Variants in TUBAL3 observed in about 807,000 individuals in gnomAD.
TUBAL3 encodes the protein tubulin alpha like 3, also known as tubulin alpha chain-like 3.
Under a neutral mutation model 15.5 loss-of-function variants are expected in TUBAL3, and 16 were observed. The ratio of observed to expected loss-of-function variants is 1.04; its 90% CI spans 0.70 to 1.57. TUBAL3 has a LOEUF of 1.57. Ranked by LOEUF, TUBAL3 falls within the 40% of genes most tolerant of loss-of-function variation. The pLI is 0.00. For synonymous variants in TUBAL3, 238 were observed against 224.3 expected (o/e 1.06, Z -0.55); for missense variants, 609 against 576.2 (o/e 1.06, Z -0.58).
rs1303628101 is a variant in TUBAL3, at chr10:5,396,878, T to A, written c.248-1403A>T. 6.6e-6 allele frequency among the ~76,000 whole-genome samples: 1 copy of A among 152,230 alleles called. No individual in the cohort carries two copies. Among genetic ancestry groups the A allele is most frequent in the East Asian group, 1.9e-4 (1 of 5,202 alleles). ...GATACTGCATTGCTTAGTAGTTAAA[T>A]GCATGTTTCAAGAATCAGTTTCCTG... On this transcript the variant is annotated intron_variant, in intron 2 of 3. Coordinates refer to ENST00000380419, the MANE Select transcript of TUBAL3 (RefSeq NM_024803.3). The surrounding 1 kb of genome is among the most constrained non-coding windows in gnomAD (Gnocchi z 5.1).
In TUBAL3 at chr10:5,400,832, CA is replaced by C; in HGVS notation, c.247+11del. 2 of 1,613,910 alleles carry C rather than the reference CA, an allele frequency of 1.2e-6. No individual in the cohort carries two copies. Among genetic ancestry groups the C allele is most frequent in the Non-Finnish European group, 1.7e-6 (2 of 1,179,822 alleles). On this transcript the variant is annotated intron_variant, in intron 2 of 3. Transcript: ENST00000380419. ...TCCAGTTAAGTATGCTAGAATGGAA[CA>C]TTTATTGTACCTATAACAGTTGGCT...
chr10:5,395,668 A>C lies in TUBAL3; in HGVS notation c.248-193T>G, dbSNP rs1831753427. 6.6e-6 allele frequency among the ~76,000 whole-genome samples: 1 copy of C among 152,196 alleles called. No homozygotes were observed. The highest frequency in any genetic ancestry group is 1.5e-5 in the Non-Finnish European group (1 of 68,028). On this transcript the variant is annotated intron_variant, in intron 2 of 3. Transcript: ENST00000380419. The surrounding 1 kb of genome is among the most constrained non-coding windows in gnomAD (Gnocchi z 4.6). ...GAGAAGTGGAATTTTTTACATATAC[A>C]TGGAAAGTATGTTTTTCTACCATGC...
rs1554814163 is a variant in TUBAL3, at chr10:5,396,347, A to C, written c.248-872T>G. ...ACATGGTGAAACCCTGTCTCTACTA[A>C]AAGTACAGAAAATTAGCCAGGCATG... On this transcript the variant is annotated intron_variant, in intron 2 of 3. Transcript: ENST00000380419. This position sits in a 1 kb window ranked among gnomAD's most constrained non-coding sequence, Gnocchi z 5.1. Among the ~76,000 whole-genome samples, 1 of 152,004 alleles carries C rather than the reference A, an allele frequency of 6.6e-6. No homozygotes were observed. Among genetic ancestry groups the C allele is most frequent in the Admixed American group, 6.6e-5 (1 of 15,264 alleles).
chr10:5,403,635 G>C (rs1831888962), intron 1 of TUBAL3, among the ~76,000 whole-genome samples: 2 of 151,984 alleles, frequency 1.3e-5, no homozygotes, highest in Non-Finnish European at 2.9e-5. Context: ...AGCACGAATA[G>C]CCTGGACTAA....
At position 5,397,180 on chromosome 10, in the gene TUBAL3, T is replaced by C. The variant is rs1831778538; in HGVS notation, c.248-1705A>G. Among the ~76,000 whole-genome samples, 1 of 152,190 alleles carries C rather than the reference T, an allele frequency of 6.6e-6. No homozygotes were observed. The highest frequency in any genetic ancestry group is 1.5e-5 in the Non-Finnish European group (1 of 68,040). On this transcript the variant is annotated intron_variant, in intron 2 of 3. Coordinates refer to ENST00000380419, the MANE Select transcript of TUBAL3 (RefSeq NM_024803.3). The surrounding 1 kb of genome is among the most constrained non-coding windows in gnomAD (Gnocchi z 4.9). ...AGCTCACAGCCTAAGGAGAAATGCA[T>C]TGTGTTTCTGTTTAATAAGAGCACG...
rs1349292760 is a variant in TUBAL3 at position 5,397,108 on chromosome 10, A to C, written c.248-1633T>G. On this transcript the variant is annotated intron_variant, in intron 2 of 3. Coordinates refer to ENST00000380419, the MANE Select transcript of TUBAL3 (RefSeq NM_024803.3). This position sits in a 1 kb window ranked among gnomAD's most constrained non-coding sequence, Gnocchi z 4.9. ...ACATGCATTTATGCAGATTTACCTC[A>C]TTATACACCACCAGCCTTGGCAGCA... Among the ~76,000 whole-genome samples, 4 of 152,208 alleles carry C rather than the reference A, an allele frequency of 2.6e-5. No homozygotes were observed. The highest frequency in any genetic ancestry group is 5.9e-5 in the Non-Finnish European group (4 of 68,042).
chr10:5,395,332 T>G lies in TUBAL3; in HGVS notation c.391A>C (p.Lys131Gln), dbSNP rs782306076. 2 of 1,551,502 alleles carry G rather than the reference T, an allele frequency of 1.3e-6. No homozygotes were observed. The highest frequency in any genetic ancestry group is 1.8e-6 in the Non-Finnish European group (2 of 1,141,452). ...VIDLVLERTR[K>Q]LAEQCGGLQG... ...GGAGAGGGGGAGCCACTTGCCAGCT[T>G]CCGGGTCCTCTCCAGCACAAGGTCG... Residue 131 changes from lysine (K) to glutamine (Q), a missense_variant, in exon 3 of 4, where the codon AAG becomes CAG. Coordinates refer to ENST00000380419, the MANE Select transcript of TUBAL3 (RefSeq NM_024803.3). This position sits in a 1 kb window ranked among gnomAD's most constrained non-coding sequence, Gnocchi z 4.6.
intron 1 of TUBAL3, among the ~76,000 whole-genome samples, chr10:5,403,414 A>T (rs530183107): frequency 7.4e-4 from 112 of 152,296 alleles, no homozygotes; most frequent in Non-Finnish European, 1.3e-3. Context: ...TACTTTGTAA[A>T]GTTTACATGT....
intron 1 of TUBAL3, 117 bp from the exon 2 acceptor site, chr10:5,401,204 A>G: frequency 7.9e-7 from 1 of 1,264,062 alleles, no homozygotes; most frequent in Non-Finnish European, 1.1e-6. Context: ...CCACGGAGGA[A>G]TGTGTTATAA....
At chr10:5,398,432 A>AC (rs1450208600) in intron 2 of TUBAL3, among the ~76,000 whole-genome samples, 6 of 150,126 alleles carry the variant, frequency 4.0e-5, no homozygotes, top group African/African-American at 1.5e-4. Context: ...AAAAAAAAAA[A>AC]AAAAAAAAAA....
chr10:5,398,420 CAAAAAAAAAAAA>C (rs67359864), intron 2 of TUBAL3, among the ~76,000 whole-genome samples: 132 of 80,894 alleles, frequency 1.6e-3, no homozygotes, highest in Middle Eastern at 6.9e-3. Context: ...AACTCTGTCT[CAAAAAAAAAAAA>C]AAAAAAAAAA....
In TUBAL3 at chr10:5,393,319, T is replaced by G. The variant is rs1462885673; in HGVS notation, c.*198A>C. 1 of 524,230 alleles carries G rather than the reference T, an allele frequency of 1.9e-6. No individual in the cohort carries two copies. Among genetic ancestry groups the G allele is most frequent in the East Asian group, 3.0e-5 (1 of 33,484 alleles). The allele number at this position is 524,230 out of a possible 1,614,324, so 32.5% of individuals were successfully genotyped here. On this transcript the variant is annotated 3_prime_UTR_variant, in exon 4 of 4. Transcript: ENST00000380419. ...TCCAAAGGCTCCCAGGTAGCAGAGC[T>G]GACTTGTACCAGTAGACCAGGAAAT...
intron 1 of TUBAL3, among the ~76,000 whole-genome samples, chr10:5,403,400 C>T (rs572609423): frequency 6.6e-6 from 1 of 152,230 alleles, no homozygotes; most frequent in Non-Finnish European, 1.5e-5. Context: ...TCATTAAAAC[C>T]TCTTACTTTG....
At position 5,394,533 on chromosome 10, in the gene TUBAL3, A is replaced by G; in HGVS notation, c.397-72T>C. Reference sequence around the variant, plus strand: ...AAGCAGTGAATTGGACAGTAGTGGCAGGATACAACAGGTTTCCCCAAAACA... The same window carrying G: ...AAGCAGTGAATTGGACAGTAGTGGCGGGATACAACAGGTTTCCCCAAAACA... On this transcript the variant is annotated intron_variant, in intron 3 of 3. Transcript: ENST00000380419. This position sits in a 1 kb window ranked among gnomAD's most constrained non-coding sequence, Gnocchi z 4.3. 7.3e-7 allele frequency: 1 copy of G among 1,374,254 alleles called. No individual in the cohort carries two copies. Among genetic ancestry groups the G allele is most frequent in the Non-Finnish European group, 9.8e-7 (1 of 1,015,890 alleles). The allele number at this position is 1,374,254 out of a possible 1,614,324, so 85.1% of individuals were successfully genotyped here.
chr10:5,393,690 C>T lies in TUBAL3; in HGVS notation c.1168G>A (p.Ala390Thr), dbSNP rs782221201. 23 of 1,614,198 alleles carry T rather than the reference C, an allele frequency of 1.4e-5. No individual in the cohort carries two copies. Among genetic ancestry groups the T allele is most frequent in the Non-Finnish European group, 1.9e-5 (23 of 1,180,042 alleles). The stretch of plus-strand genomic sequence containing the variant: ...AGGCGGGCCCAGGCCTCCACAATCG[C>T]CGTGGTGTTGCTCAGCATGCAGATG... ...RSICMLSNTT[A>T]IVEAWARLDH... Residue 390 changes from alanine to threonine, a missense_variant, in exon 4 of 4, where the codon GCG becomes ACG. Transcript: ENST00000380419.
chr10:5,394,867 C>T lies in TUBAL3; in HGVS notation c.397-406G>A, dbSNP rs1422776277. ...TAGTAGCTAACAAATATGACAAACA[C>T]CAAAACTCTTACTTAGCAAAGGGTC... On this transcript the variant is annotated intron_variant, in intron 3 of 3. Coordinates refer to ENST00000380419, the MANE Select transcript of TUBAL3 (RefSeq NM_024803.3). This position sits in a 1 kb window ranked among gnomAD's most constrained non-coding sequence, Gnocchi z 4.3. Among the ~76,000 whole-genome samples, 2 of 152,182 alleles carry T rather than the reference C, an allele frequency of 1.3e-5. No homozygotes were observed. The highest frequency in any genetic ancestry group is 4.8e-5 in the African/African-American group (2 of 41,432).
At position 5,398,302 on chromosome 10, in the gene TUBAL3, C is replaced by T. The variant is rs531339964; in HGVS notation, c.247+2542G>A. ...GGGCATGGTGACATGTGCCTGTAAT[C>T]CCAGCTACCCAGGAGGCTGAGGCAG... On this transcript the variant is annotated intron_variant, in intron 2 of 3. Coordinates refer to ENST00000380419, the MANE Select transcript of TUBAL3 (RefSeq NM_024803.3). Among the ~76,000 whole-genome samples the T allele has an allele frequency of 2.6e-5, 4 of 151,940 alleles. No homozygotes were observed. In the South Asian group the frequency reaches 8.3e-4, roughly 32 times the overall value.
intron 1 of TUBAL3, among the ~76,000 whole-genome samples, chr10:5,402,959 A>G (rs577940351): frequency 5.9e-5 from 9 of 152,316 alleles, no homozygotes; most frequent in Admixed American, 5.9e-4. Flanking sequence ...AAGTAAGGAG[A>G]GGGCTCTGGT....
chr10:5,397,287 A>T lies in TUBAL3; in HGVS notation c.248-1812T>A, dbSNP rs1459736939. ...TTTTGCAACCTCTCAAATAATATTT[A>T]TTGAAATTGAGTTTAAATAACTTTT... On this transcript the variant is annotated intron_variant, in intron 2 of 3. Coordinates refer to ENST00000380419, the MANE Select transcript of TUBAL3 (RefSeq NM_024803.3). The surrounding 1 kb of genome is among the most constrained non-coding windows in gnomAD (Gnocchi z 4.9). 1.3e-5 allele frequency among the ~76,000 whole-genome samples: 2 copies of T among 152,222 alleles called. No individual in the cohort carries two copies. The highest frequency in any genetic ancestry group is 2.9e-5 in the Non-Finnish European group (2 of 68,038).
Sources: gnomAD v4.1 joint callset for allele counts (sites outside exome capture counted in the v4.1 genomes callset) on GRCh38, gnomAD v4.1.1 for gene constraint, Gnocchi (gnomAD v3.1) non-coding constraint, MANE v1.5 for transcripts, NCBI Gene and HGNC (gene_info 2026-07-23, HGNC 2026-07-21) for gene names.